The following KCNT2 variants were observed in gnomAD, a reference collection of about 807,000 sequenced individuals.
The protein encoded by KCNT2 is potassium channel subfamily T member 2.
In KCNT2, 67 loss-of-function variants were observed where a neutral mutation model predicts 153.8. That is an observed-to-expected ratio of 0.44 (90% CI 0.36 to 0.53). KCNT2 has a LOEUF of 0.53. Ranked by LOEUF, KCNT2 falls within the 20% of genes least tolerant of loss-of-function variation. The pLI is 0.00. For synonymous variants in KCNT2, 500 were observed against 458.8 expected (o/e 1.09, Z -1.15); for missense variants, 975 against 1,354.8 (o/e 0.72, Z 4.40).
chr1:196,267,631 TC>T (rs950589323), intron 25 of KCNT2, among the ~76,000 whole-genome samples: 33 of 152,184 alleles, frequency 2.2e-4, no homozygotes, highest in African/African-American at 7.5e-4. Flanking sequence ...CTCGTGGGCT[TC>T]TGGTAGCAAA....
chr1:196,337,853 T>A (rs1665185998), intron 16 of KCNT2, among the ~76,000 whole-genome samples: 1 of 152,138 alleles, frequency 6.6e-6, no homozygotes, highest in South Asian at 2.1e-4. Flanking sequence ...TATTAAGTAA[T>A]TTACTTATTT....
chr1:196,231,537 T>C (rs1653956739), intron 27 of KCNT2, among the ~76,000 whole-genome samples: 1 of 151,810 alleles, frequency 6.6e-6, no homozygotes, highest in Non-Finnish European at 1.5e-5. Context: ...CCAAACATCA[T>C]ACAAAGTGAA....
chr1:196,514,141 A>T (rs1249310231), intron 1 of KCNT2, among the ~76,000 whole-genome samples: 2 of 152,132 alleles, frequency 1.3e-5, no homozygotes, highest in Admixed American at 6.5e-5. Context: ...GGCAGGAATT[A>T]TTTCTATTTT....
intron 22 of KCNT2, among the ~76,000 whole-genome samples, chr1:196,296,843 A>C (rs1660714840): frequency 6.6e-6 from 1 of 152,058 alleles, no homozygotes; most frequent in African/African-American, 2.4e-5. Context: ...TTTGACTCTG[A>C]ATTCAAAAAT....
At chr1:196,336,176 A>G (rs1012240249) in intron 16 of KCNT2, among the ~76,000 whole-genome samples, 1 of 152,038 alleles carries the variant, frequency 6.6e-6, no homozygotes, top group Non-Finnish European at 1.5e-5. Context: ...CACATAGATG[A>G]TCCTTCCAAC....
At chr1:196,286,745 A>AT (rs541414854) in intron 22 of KCNT2, among the ~76,000 whole-genome samples, 4 of 150,798 alleles carry the variant, frequency 2.7e-5, no homozygotes, top group South Asian at 4.2e-4. Context: ...TTCTGTTGCA[A>AT]TTTTTTTTTC....
chr1:196,268,469 C>T (rs1657751749), intron 25 of KCNT2, among the ~76,000 whole-genome samples: 1 of 152,106 alleles, frequency 6.6e-6, no homozygotes, highest in Admixed American at 6.6e-5. Context: ...TTTCATCTCC[C>T]TACTAACCAC....
chr1:196,260,021 C>T (rs1489668400), intron 25 of KCNT2, among the ~76,000 whole-genome samples: 2 of 151,684 alleles, frequency 1.3e-5, no homozygotes, highest in African/African-American at 4.8e-5. Context: ...ACAATAATAT[C>T]AATATGTATT....
At chr1:196,384,951 C>T (rs1260089452) in intron 13 of KCNT2, among the ~76,000 whole-genome samples, 2 of 151,972 alleles carry the variant, frequency 1.3e-5, no homozygotes, top group South Asian at 2.1e-4. Flanking sequence ...GACCTTCAGA[C>T]AGACAGACAA....
chr1:196,474,625 G>A (rs910862360), intron 5 of KCNT2, among the ~76,000 whole-genome samples: 7 of 152,130 alleles, frequency 4.6e-5, no homozygotes, highest in African/African-American at 1.7e-4. Flanking sequence ...TTAACAAAAG[G>A]GTTCTAGGTA....
At chr1:196,375,824 G>A (rs2148344309) in intron 13 of KCNT2, among the ~76,000 whole-genome samples, 1 of 151,794 alleles carries the variant, frequency 6.6e-6, no homozygotes, top group East Asian at 1.9e-4. Flanking sequence ...TATCATGAAA[G>A]CCTTTGTTAG....
chr1:196,416,132 T>A (rs552734866), intron 12 of KCNT2, among the ~76,000 whole-genome samples: 3 of 146,550 alleles, frequency 2.0e-5, no homozygotes, highest in African/African-American at 7.4e-5. Flanking sequence ...ATGCTTCCCA[T>A]CCATTAGTCA....
At chr1:196,530,142 G>A (rs1285083965) in intron 1 of KCNT2, among the ~76,000 whole-genome samples, 1 of 151,846 alleles carries the variant, frequency 6.6e-6, no homozygotes, top group African/African-American at 2.4e-5. Flanking sequence ...AACAGGAATG[G>A]CAGAATGCAC....
At chr1:196,370,237 C>T (rs1387049764) in intron 14 of KCNT2, among the ~76,000 whole-genome samples, 1 of 152,042 alleles carries the variant, frequency 6.6e-6, no homozygotes. Context: ...AACAATAAGA[C>T]ATACCACTGC....
intron 27 of KCNT2, among the ~76,000 whole-genome samples, chr1:196,231,246 T>C (rs1455988249): frequency 6.6e-6 from 1 of 151,890 alleles, no homozygotes; most frequent in Admixed American, 6.6e-5. Flanking sequence ...CTTAGTAGAC[T>C]AAAGTATAAT....
chr1:196,557,602 G>A (rs1287895244), intron 1 of KCNT2, among the ~76,000 whole-genome samples: 1 of 150,858 alleles, frequency 6.6e-6, no homozygotes, highest in Admixed American at 6.6e-5. Context: ...TAGAATAATA[G>A]TCTGGCCCAT....
rs1037116611 is a variant in KCNT2, at chr1:196,415,131, T to G, written c.1185+7919A>C. 2.0e-5 allele frequency among the ~76,000 whole-genome samples: 3 copies of G among 151,906 alleles called. No individual in the cohort carries two copies. The East Asian group carries it at 5.8e-4, about 29-fold the overall frequency. ...AGAAATGATCTGGACCAAGCTCTCA[T>G]GTATTCACCATACAGTCCCTACAAA... On this transcript the variant is annotated intron_variant, in intron 12 of 27. Transcript: ENST00000294725.
chr1:196,580,353 G>T (rs1337828650), intron 1 of KCNT2, among the ~76,000 whole-genome samples: 1 of 152,120 alleles, frequency 6.6e-6, no homozygotes, highest in African/African-American at 2.4e-5. Flanking sequence ...GGGAGTTCCT[G>T]AGTAACTCCA....
chr1:196,434,040 G>T (rs1674399967), intron 8 of KCNT2, among the ~76,000 whole-genome samples: 1 of 151,882 alleles, frequency 6.6e-6, no homozygotes, highest in Admixed American at 6.6e-5. Context: ...TACAAATTTT[G>T]TGTGAGCTGC....
Sources: gnomAD v4.1 joint callset for allele counts (sites outside exome capture counted in the v4.1 genomes callset) on GRCh38, gnomAD v4.1.1 for gene constraint, MANE v1.5 for transcripts, NCBI Gene and HGNC (gene_info 2026-07-23, HGNC 2026-07-21) for gene names.